Variants in AAK1 observed in about 807,000 individuals in gnomAD.
AAK1 encodes the protein AP2-associated protein kinase 1.
AAK1 carries 37 observed loss-of-function variants against 116.0 expected under a neutral mutation model. The ratio of observed to expected loss-of-function variants is 0.32; its 90% confidence interval spans 0.25 to 0.42. The LOEUF (loss-of-function observed/expected upper bound fraction) is 0.42. Among genes scored for constraint, AAK1 ranks in the 10% least tolerant of loss-of-function variants. The pLI, the probability that AAK1 is intolerant of heterozygous loss-of-function variation, is 1.00. For missense variants in AAK1, 919 were observed against 1,170.6 expected (o/e 0.79, Z 3.14); for synonymous variants, 458 against 439.9 (o/e 1.04, Z -0.51).
chr2:69,600,897 C>G (rs549643685), intron 2 of AAK1, among the ~76,000 whole-genome samples: 17 of 152,306 alleles, frequency 1.1e-4, no homozygotes, highest in African/African-American at 4.1e-4. Context: ...TCAGCAACCA[C>G]CCCCCTGGTC....
chr2:69,618,234 A>G lies in AAK1; in HGVS notation c.163+24644T>C, dbSNP rs191999836. Among the ~76,000 whole-genome samples, 6 of 151,988 alleles carry G rather than the reference A, an allele frequency of 3.9e-5. No homozygotes were observed. In the East Asian group the frequency reaches 1.2e-3, roughly 29 times the overall value. On this transcript the variant is annotated intron_variant, in intron 2 of 21. Transcript: ENST00000409085. ...TGTACACATAAAATTAAATATAAGT[A>G]GAGATATAAATAAATATATAATATT...
At chr2:69,505,133 A>G in intron 16 of AAK1, among the ~76,000 whole-genome samples, 1 of 111,004 alleles carries the variant, frequency 9.0e-6, no homozygotes, top group Admixed American at 9.6e-5. Context: ...GCGCACACAC[A>G]CCCACACACA....
chr2:69,584,924 C>T (rs1239455609), intron 2 of AAK1, among the ~76,000 whole-genome samples: 1 of 152,180 alleles, frequency 6.6e-6, no homozygotes, highest in East Asian at 1.9e-4. Flanking sequence ...GTTCCCTTTG[C>T]CCAACAACTA....
At chr2:69,577,440 T>G (rs2105134741) in intron 2 of AAK1, among the ~76,000 whole-genome samples, 1 of 152,272 alleles carries the variant, frequency 6.6e-6, no homozygotes, top group Non-Finnish European at 1.5e-5. Context: ...GGAACTAGAC[T>G]ACTCTGTAGA....
At chr2:69,491,959 C>T (rs1675539157) in intron 17 of AAK1, among the ~76,000 whole-genome samples, 1 of 151,872 alleles carries the variant, frequency 6.6e-6, no homozygotes, top group South Asian at 2.1e-4. Flanking sequence ...GAGAACTGTC[C>T]CAAAGATAAA....
intron 2 of AAK1, among the ~76,000 whole-genome samples, chr2:69,576,683 G>A (rs1322770713): frequency 6.6e-6 from 1 of 152,164 alleles, no homozygotes; most frequent in African/African-American, 2.4e-5. Context: ...GTGAATCAGA[G>A]TGAATGAAAA....
chr2:69,474,245 C>T lies in AAK1; in HGVS notation c.*1624G>A. 1 of 985,782 alleles carries T rather than the reference C, an allele frequency of 1.0e-6. No individual in the cohort carries two copies. Among genetic ancestry groups the T allele is most frequent in the Non-Finnish European group, 1.2e-6 (1 of 829,918 alleles). The allele number at this position is 985,782 out of a possible 1,614,324, so 61.1% of individuals were successfully genotyped here. ...GAAACAAAAGTACTAGATAGCAAAA[C>T]AAGCAAATGGACTTGGAATTTTATT... On this transcript the variant is annotated 3_prime_UTR_variant, in exon 22 of 22. Coordinates refer to ENST00000409085, the MANE Select transcript of AAK1 (RefSeq NM_014911.5).
At chr2:69,527,099 C>T (rs753248489) in intron 9 of AAK1, 117 bp downstream of exon 9, 8 of 711,704 alleles carry the variant, frequency 1.1e-5, no homozygotes, top group East Asian at 2.7e-5. Context: ...GCTTGACTAC[C>T]CCCAGTAGAT....
At chr2:69,611,339 G>C (rs1410345462) in intron 2 of AAK1, among the ~76,000 whole-genome samples, 1 of 152,226 alleles carries the variant, frequency 6.6e-6, no homozygotes, top group African/African-American at 2.4e-5. Context: ...AGATTCTTCT[G>C]CTTTTGGACT....
At chr2:69,548,181 A>T (rs995040861) in intron 3 of AAK1, among the ~76,000 whole-genome samples, 2 of 152,208 alleles carry the variant, frequency 1.3e-5, no homozygotes, top group Non-Finnish European at 2.9e-5. Context: ...TGGTTGCACA[A>T]CCTTGTGAAT....
chr2:69,532,248 G>A lies in AAK1; in HGVS notation c.535-86C>T, dbSNP rs574532905. Reference sequence around the variant, plus strand: ...TGGTTTCACAGTCACATAAATAAACGTTTTATTTCTGGCAGTCTCATTAAT... The same window carrying A: ...TGGTTTCACAGTCACATAAATAAACATTTTATTTCTGGCAGTCTCATTAAT... On this transcript the variant is annotated intron_variant, in intron 5 of 21. Transcript: ENST00000409085. 2.0e-5 allele frequency: 30 copies of A among 1,498,294 alleles called. No homozygotes were observed. In the South Asian group the frequency reaches 2.8e-4, roughly 14 times the overall value. The allele number at this position is 1,498,294 out of a possible 1,614,324, so 92.8% of individuals were successfully genotyped here.
At chr2:69,622,295 G>A (rs1418464387) in intron 2 of AAK1, among the ~76,000 whole-genome samples, 3 of 152,322 alleles carry the variant, frequency 2.0e-5, no homozygotes, top group East Asian at 3.9e-4. Flanking sequence ...CCTGCAGCCC[G>A]CCATGCCTGA....
At position 69,519,116 on chromosome 2, in the gene AAK1, C is replaced by T. The variant is rs747819771; in HGVS notation, c.1335G>A (p.Thr445=). The change falls in exon 12 of 22, where the codon ACG becomes ACA. Residue 445 remains threonine, a synonymous_variant. Coordinates refer to ENST00000409085, the MANE Select transcript of AAK1 (RefSeq NM_014911.5). ...QPQAPPTPQQ[T]PSTQAQGLPA... is the part of the protein sequence containing the mutation. ...GCAGACCCTGGGCCTGAGTAGAAGG[C>T]GTCTGCTGTGGAGTGGGAGGAGCCT... 1.5e-5 allele frequency: 23 copies of T among 1,556,666 alleles called. No homozygotes were observed. Among genetic ancestry groups the T allele is most frequent in the African/African-American group, 6.8e-5 (5 of 73,418 alleles).
intron 2 of AAK1, among the ~76,000 whole-genome samples, chr2:69,562,275 G>C (rs1455681003): frequency 6.6e-6 from 1 of 152,172 alleles, no homozygotes; most frequent in Non-Finnish European, 1.5e-5. Flanking sequence ...ATTCTAGTGG[G>C]TGTGTAGTGA....
At chr2:69,641,166 T>C (rs1046128552) in intron 2 of AAK1, among the ~76,000 whole-genome samples, 18 of 152,230 alleles carry the variant, frequency 1.2e-4, no homozygotes, top group Non-Finnish European at 5.9e-5. Flanking sequence ...TTGGAGAACA[T>C]GCACCGCTTA....
At chr2:69,582,717 C>G (rs1231740316) in intron 2 of AAK1, among the ~76,000 whole-genome samples, 1 of 152,170 alleles carries the variant, frequency 6.6e-6, no homozygotes, top group Non-Finnish European at 1.5e-5. Flanking sequence ...AGTCCACACT[C>G]CACAAACAGT....
In AAK1 at chr2:69,523,400, C is replaced by T. The variant is rs917118899; in HGVS notation, c.1055+1633G>A. On this transcript the variant is annotated intron_variant, in intron 10 of 21. Transcript: ENST00000409085. ...TTTATTAAAAATCAAAGTCTCACTA[C>T]TTTAGAGGCACATCTAAAATAACTT... Among the ~76,000 whole-genome samples the T allele has an allele frequency of 1.1e-4, 16 of 152,302 alleles. No homozygotes were observed. In the South Asian group the frequency reaches 1.9e-3, roughly 18 times the overall value.
intron 17 of AAK1, among the ~76,000 whole-genome samples, chr2:69,489,936 C>T (rs764339408): frequency 3.3e-5 from 5 of 152,092 alleles, no homozygotes; most frequent in East Asian, 1.9e-4. Flanking sequence ...TATCACGAGA[C>T]AGCAGTTGGA....
intron 15 of AAK1, 58 bp from the exon 16 acceptor site, chr2:69,505,731 CAT>C (rs1161369559): frequency 2.2e-6 from 3 of 1,379,074 alleles, no homozygotes; most frequent in East Asian, 4.7e-5. Context: ...GGCACACACA[CAT>C]GGCAGAGGTA....
Sources: gnomAD v4.1 joint callset for allele counts (sites outside exome capture counted in the v4.1 genomes callset) on GRCh38, gnomAD v4.1.1 for gene constraint, MANE v1.5 for transcripts, NCBI Gene and HGNC (gene_info 2026-07-23, HGNC 2026-07-21) for gene names.